LRRC46: variants seen among roughly 807,000 people sequenced by gnomAD.
LRRC46 encodes leucine-rich repeat-containing protein 46.
Under a neutral mutation model 28.0 loss-of-function variants are expected in LRRC46, and 20 were observed. The ratio of observed to expected loss-of-function variants is 0.71; its 90% CI spans 0.50 to 1.04. The LOEUF is 1.04. LRRC46 is among the 50% of genes least tolerant of loss of function. LRRC46 has a pLI of 0.00. For missense variants in LRRC46, 315 were observed against 390.1 expected (o/e 0.81, Z 1.62); for synonymous variants, 156 against 158.8 (o/e 0.98, Z 0.13).
intron 2 of LRRC46, 25 bp from the exon 3 acceptor site, chr17:47,834,400 C>T (rs1273222088): frequency 1.3e-6 from 2 of 1,550,078 alleles, no homozygotes; most frequent in South Asian, 2.3e-5. Context: ...TGCTCTAACA[C>T]CACCCTTACT....
Position 47,834,485 on chromosome 17 carries a change from C to A in LRRC46, c.177C>A (p.Ile59=). Residue 59 remains isoleucine (I), a synonymous_variant, in exon 3 of 8, where the codon ATC becomes ATA. Coordinates refer to ENST00000269025, the MANE Select transcript of LRRC46 (RefSeq NM_033413.4). ...TGGACCGGGAGGGGATTACTACTAT[C>A]AGGAACTTAGAAGGCCTCCAGAATC... is the stretch of plus-strand genomic sequence containing the variant. ...VRLDREGITT[I]RNLEGLQNLH... 6.2e-7 allele frequency: 1 copy of A among 1,613,878 alleles called. No individual in the cohort carries two copies. The highest frequency in any genetic ancestry group is 1.1e-5 in the South Asian group (1 of 91,032).
chr17:47,835,977 G>T, intron 5 of LRRC46, 56 bp from the exon 6 acceptor site: 3 of 1,587,942 alleles, frequency 1.9e-6, no homozygotes, highest in Non-Finnish European at 2.6e-6. Context: ...TCGCTTCATG[G>T]TCTTTTGGCT....
chr17:47,834,756 G>T, intron 3 of LRRC46: 1 of 418,000 alleles, frequency 2.4e-6, no homozygotes, highest in Non-Finnish European at 4.3e-6. Flanking sequence ...CTGTTCTTTA[G>T]GCACTTCTCT....
chr17:47,832,868 C>T (rs2033650583), intron 2 of LRRC46, among the ~76,000 whole-genome samples: 1 of 152,194 alleles, frequency 6.6e-6, no homozygotes, highest in Admixed American at 6.5e-5. Flanking sequence ...CCAAATAAAT[C>T]CCAATGCCTA....
chr17:47,835,889 A>G, intron 5 of LRRC46, 114 bp downstream of exon 5: 1 of 1,311,656 alleles, frequency 7.6e-7, no homozygotes. Context: ...TCCACATTTC[A>G]TCCTCAGGGA....
Position 47,837,366 on chromosome 17 carries a change from A to C in LRRC46, c.*246A>C, listed in dbSNP as rs1408108074. 7.4e-6 allele frequency: 4 copies of C among 537,768 alleles called. No homozygotes were observed. Among genetic ancestry groups the C allele is most frequent in the Non-Finnish European group, 1.2e-5 (4 of 320,586 alleles). The allele number at this position is 537,768 out of a possible 1,614,324, so 33.3% of individuals were successfully genotyped here. A position where few individuals can be genotyped will look rare whatever the true frequency, so the allele number is the denominator to read the frequency against. On this transcript the variant is annotated 3_prime_UTR_variant, in exon 8 of 8. Transcript: ENST00000269025. Reference sequence around the variant, plus strand: ...ATCTTTCGGGAGCTACCCACAGGGCAGGCATGCCTCAGGCCCCCGCTGGCT... The same window carrying C: ...ATCTTTCGGGAGCTACCCACAGGGCCGGCATGCCTCAGGCCCCCGCTGGCT...
chr17:47,836,782 A>T lies in LRRC46; in HGVS notation c.628A>T (p.Arg210Trp). Reference protein sequence around the residue: ...FLKELEQELSRHREHRQQTAL... With the variant: ...FLKELEQELSWHREHRQQTAL... ...CAAGGAGCTGGAGCAGGAGCTGAGC[A>T]GGCACAGGGAGCACCGGCAACAGAC... Residue 210 changes from arginine (R) to tryptophan (W), a missense_variant, in exon 8 of 8, where the codon AGG becomes TGG. By Grantham distance (101) the Arg-to-Trp change is moderately radical (BLOSUM62 -3). Transcript: ENST00000269025. The surrounding 1 kb of genome is among the most constrained non-coding windows in gnomAD (Gnocchi z 5.8). 6.2e-7 allele frequency: 1 copy of T among 1,613,722 alleles called. No homozygotes were observed. Among genetic ancestry groups the T allele is most frequent in the South Asian group, 1.1e-5 (1 of 91,080 alleles).
At chr17:47,835,092 G>A in intron 3 of LRRC46, 1 of 458,442 alleles carries the variant, frequency 2.2e-6, no homozygotes, top group Non-Finnish European at 3.9e-6. Flanking sequence ...TGATTCCCAG[G>A]TCACTCTTTG....
rs772040407 is a variant in LRRC46 at position 47,835,707 on chromosome 17, ACCT to A, written c.319_321del (p.Leu107del). ...GGAAACCAAATCAGGCAGGTGGAAAACCTCCTCGACCTCCCATGCCTCCAGTTT... is the reference window on the plus strand; with the variant it reads ...GGAAACCAAATCAGGCAGGTGGAAAACCTCGACCTCCCATGCCTCCAGTTT... On this transcript the variant is annotated inframe_deletion, in exon 5 of 8. Transcript: ENST00000269025. 45 of 1,613,688 alleles carry A rather than the reference ACCT, an allele frequency of 2.8e-5. No homozygotes were observed. Among genetic ancestry groups the A allele is most frequent in the Non-Finnish European group, 3.6e-5 (42 of 1,179,954 alleles).
rs2033638484 is a variant in LRRC46, at chr17:47,831,906, T to G, written c.-84T>G. The G allele has an allele frequency of 1.3e-6, 2 of 1,575,964 alleles. No individual in the cohort carries two copies. The highest frequency in any genetic ancestry group is 2.7e-5 in the African/African-American group (2 of 73,838). On this transcript the variant is annotated 5_prime_UTR_variant, in exon 1 of 8. Coordinates refer to ENST00000269025, the MANE Select transcript of LRRC46 (RefSeq NM_033413.4). ...GAGTTTCTCTCTCCTCCTGCCATCC[T>G]GAGTTCTGCCATCCTTAGGGGCCGC...
chr17:47,831,961 C>T lies in LRRC46; in HGVS notation c.-29C>T. ...ACCTCTCTTTTCGTTCCTCTCCCGCCTCAGACCAGCAGCCTTTTATTTTAG... is the reference window on the plus strand; with the variant it reads ...ACCTCTCTTTTCGTTCCTCTCCCGCTTCAGACCAGCAGCCTTTTATTTTAG... On this transcript the variant is annotated 5_prime_UTR_variant, in exon 1 of 8. Transcript: ENST00000269025. 3.1e-6 allele frequency: 5 copies of T among 1,612,974 alleles called. No individual in the cohort carries two copies. Among genetic ancestry groups the T allele is most frequent in the Non-Finnish European group, 4.2e-6 (5 of 1,180,016 alleles).
Position 47,834,429 on chromosome 17 carries a change from C to T in LRRC46, c.121C>T (p.His41Tyr). The T allele has an allele frequency of 6.2e-7, 1 of 1,611,122 alleles. No individual in the cohort carries two copies. The highest frequency in any genetic ancestry group is 2.2e-5 in the East Asian group (1 of 44,786). The part of the protein sequence containing the change: ...EDGELSEKMF[H>Y]TLDELQTVRL... ...CCTTACTGACTCTTTTCCCAGGTTTCACACTCTTGATGAACTGCAGACTGT... is the reference window on the plus strand; with the variant it reads ...CCTTACTGACTCTTTTCCCAGGTTTTACACTCTTGATGAACTGCAGACTGT... Residue 41 changes from histidine (H) to tyrosine (Y), a missense_variant, in exon 3 of 8, where the codon CAC becomes TAC. Physicochemically the swap from His to Tyr is moderately conservative, Grantham distance 83. Transcript: ENST00000269025.
rs2033638222 is a variant in LRRC46 at position 47,831,896 on chromosome 17, C to CCTGCCATCCTGAGTT, written c.-83_-69dup. 2.6e-6 allele frequency: 4 copies of CCTGCCATCCTGAGTT among 1,537,818 alleles called. No homozygotes were observed. Among genetic ancestry groups the CCTGCCATCCTGAGTT allele is most frequent in the Middle Eastern group, 2.3e-4 (1 of 4,324 alleles). On this transcript the variant is annotated 5_prime_UTR_variant, in exon 1 of 8. Transcript: ENST00000269025. Reference sequence around the variant, plus strand: ...CTAAGTCTCTGAGTTTCTCTCTCCTCCTGCCATCCTGAGTTCTGCCATCCT... The same window carrying CCTGCCATCCTGAGTT: ...CTAAGTCTCTGAGTTTCTCTCTCCTCCTGCCATCCTGAGTTCTGCCATCCTGAGTTCTGCCATCCT...
Position 47,835,403 on chromosome 17 carries a change from T to A in LRRC46, c.272+4T>A. ...TGGCTTGCATCCCCTCCTTGCGGTA[T>A]GTGGTGCCAGGGCTCAGGCAGGGGA... On this transcript the variant is annotated splice_donor_region_variant and intron_variant, in intron 4 of 7. Transcript: ENST00000269025. 6.2e-7 allele frequency: 1 copy of A among 1,613,990 alleles called. No homozygotes were observed. Among genetic ancestry groups the A allele is most frequent in the South Asian group, 1.1e-5 (1 of 91,078 alleles).
chr17:47,836,832 G>T lies in LRRC46; in HGVS notation c.678G>T (p.Arg226Ser), dbSNP rs1157528258. ...QQTALTEHLLRMEMQPTLTDL... is the reference protein window; with the variant it reads ...QQTALTEHLLSMEMQPTLTDL... ...CGGCCCTGACAGAGCACCTGCTGAG[G>T]ATGGAGATGCAGCCCACCCTCACCG... Residue 226 changes from arginine (R) to serine (S), a missense_variant, in exon 8 of 8, where the codon AGG becomes AGT. Physicochemically the swap from Arg to Ser is moderately radical, Grantham distance 110 (BLOSUM62 -1). Coordinates refer to ENST00000269025, the MANE Select transcript of LRRC46 (RefSeq NM_033413.4). The surrounding 1 kb of genome is among the most constrained non-coding windows in gnomAD (Gnocchi z 5.8). The T allele has an allele frequency of 6.2e-7, 1 of 1,613,976 alleles. No individual in the cohort carries two copies. Among genetic ancestry groups the T allele is most frequent in the Non-Finnish European group, 8.5e-7 (1 of 1,180,012 alleles).
chr17:47,837,595 G>A lies in LRRC46; in HGVS notation c.*475G>A. 3 of 530,218 alleles carry A rather than the reference G, an allele frequency of 5.7e-6. No homozygotes were observed. The highest frequency in any genetic ancestry group is 4.9e-4 in the Middle Eastern group (1 of 2,042). The allele number at this position is 530,218 out of a possible 1,614,324, so 32.8% of individuals were successfully genotyped here. A position where few individuals can be genotyped will look rare whatever the true frequency, so the allele number is the denominator to read the frequency against. ...ATCACTCACCCACTCATAGGAATGAGTACACAACCACAGGCCCCGCAGCCA... is the reference window on the plus strand; with the variant it reads ...ATCACTCACCCACTCATAGGAATGAATACACAACCACAGGCCCCGCAGCCA... On this transcript the variant is annotated 3_prime_UTR_variant, in exon 8 of 8. Transcript: ENST00000269025.
At chr17:47,832,333 A>C in intron 2 of LRRC46, 128 bp downstream of exon 2, 1 of 596,180 alleles carries the variant, frequency 1.7e-6, no homozygotes. Flanking sequence ...AATCAGTGGT[A>C]ATGCCCAGCT....
intron 2 of LRRC46, among the ~76,000 whole-genome samples, chr17:47,832,789 T>G (rs2033649834): frequency 6.6e-6 from 1 of 152,258 alleles, no homozygotes; most frequent in Non-Finnish European, 1.5e-5. Context: ...CACTTCAGCC[T>G]CCTGAGTAGC....
At chr17:47,833,879 G>C in intron 2 of LRRC46, 1 of 969,290 alleles carries the variant, frequency 1.0e-6, no homozygotes, top group Admixed American at 6.2e-5. Context: ...GCCTCCCAAA[G>C]TGCTGGGAGT....
Sources: gnomAD v4.1 joint callset for allele counts (sites outside exome capture counted in the v4.1 genomes callset) on GRCh38, gnomAD v4.1.1 for gene constraint, Gnocchi (gnomAD v3.1) non-coding constraint, MANE v1.5 for transcripts, NCBI Gene and HGNC (gene_info 2026-07-23, HGNC 2026-07-21) for gene names.